KIAA1217: variants seen among roughly 807,000 people sequenced by gnomAD.
The protein encoded by KIAA1217 is KIAA1217.
A neutral mutation model predicts 163.9 loss-of-function variants in KIAA1217; 88 were observed. The observed-to-expected ratio is 0.54, with a 90% CI of 0.45 to 0.64. KIAA1217 has a LOEUF of 0.64. Ranked by LOEUF, KIAA1217 falls within the 30% of genes least tolerant of loss-of-function variation. KIAA1217 has a pLI of 0.00. For missense variants in KIAA1217, 2,372 were observed against 2,475.0 expected (o/e 0.96, Z 0.88); for synonymous variants, 903 against 923.1 (o/e 0.98, Z 0.39).
intron 2 of KIAA1217, among the ~76,000 whole-genome samples, chr10:24,327,351 A>G (rs1318477781): frequency 6.6e-6 from 1 of 152,194 alleles, no homozygotes; most frequent in Non-Finnish European, 1.5e-5. Context: ...ATGGCTACCT[A>G]TTTGACTTTA....
chr10:24,174,088 C>T (rs974948483), intron 2 of KIAA1217, among the ~76,000 whole-genome samples: 7 of 152,180 alleles, frequency 4.6e-5, no homozygotes, highest in Admixed American at 2.0e-4. Flanking sequence ...TCCTGACTTC[C>T]GGAGAAGGGG....
At chr10:23,992,629 A>ACTCTGTT in intron 1 of KIAA1217, among the ~76,000 whole-genome samples, 20 of 143,848 alleles carry the variant, frequency 1.4e-4, no homozygotes, top group African/African-American at 4.6e-4. Context: ...TTTTTTTGGA[A>ACTCTGTT]GCCCTCGTGA....
intron 3 of KIAA1217, among the ~76,000 whole-genome samples, chr10:24,402,912 C>G (rs1339207830): frequency 6.6e-6 from 1 of 152,220 alleles, no homozygotes; most frequent in Non-Finnish European, 1.5e-5. Context: ...GGGAGGATCA[C>G]TTGAGGTCAG....
At chr10:23,841,181 A>G (rs12244313) in intron 1 of KIAA1217, among the ~76,000 whole-genome samples, 3,836 of 152,246 alleles carry the variant, frequency 0.025, 165 homozygotes, top group African/African-American at 0.065. Context: ...ATTTAGGACT[A>G]TTTGGCAATT....
chr10:24,474,109 A>G (rs1564750863), intron 6 of KIAA1217, 49 bp downstream of exon 6: 1 of 1,395,694 alleles, frequency 7.2e-7, no homozygotes, highest in Non-Finnish European at 9.8e-7. Flanking sequence ...CCCATGTGTC[A>G]CTGTGGGCAG....
intron 2 of KIAA1217, among the ~76,000 whole-genome samples, chr10:24,103,943 T>A (rs532425941): frequency 1.3e-5 from 2 of 152,200 alleles, no homozygotes; most frequent in East Asian, 3.8e-4. Flanking sequence ...AACTGATCTT[T>A]GAGGAAGGAG....
intron 2 of KIAA1217, among the ~76,000 whole-genome samples, chr10:24,029,031 G>A (rs1848082938): frequency 6.6e-6 from 1 of 152,158 alleles, no homozygotes; most frequent in Admixed American, 6.6e-5. Flanking sequence ...AATACAGGGA[G>A]CCAAGGGCTG....
intron 1 of KIAA1217, among the ~76,000 whole-genome samples, chr10:23,831,010 T>A (rs1838165978): frequency 6.6e-6 from 1 of 152,072 alleles, no homozygotes; most frequent in Non-Finnish European, 1.5e-5. Context: ...GGAGGCAGCA[T>A]CCTGCAGAGC....
chr10:24,234,297 A>G (rs905057747), intron 2 of KIAA1217, among the ~76,000 whole-genome samples: 2 of 152,084 alleles, frequency 1.3e-5, no homozygotes, highest in African/African-American at 2.4e-5. Context: ...CTGAAACCTG[A>G]AACACCTCTG....
intron 2 of KIAA1217, among the ~76,000 whole-genome samples, chr10:24,128,784 G>A (rs2131801284): frequency 6.6e-6 from 1 of 152,312 alleles, no homozygotes; most frequent in Admixed American, 6.5e-5. Context: ...AGCAGGCAGG[G>A]CCAAAGACTT....
chr10:24,172,159 T>C (rs1246700613), intron 2 of KIAA1217, among the ~76,000 whole-genome samples: 1 of 152,170 alleles, frequency 6.6e-6, no homozygotes, highest in African/African-American at 2.4e-5. Flanking sequence ...AAATTTGAAA[T>C]TCTTGGTTTC....
upstream of KIAA1217, among the ~76,000 whole-genome samples, chr10:24,207,177 G>A (rs2067597714): frequency 6.6e-6 from 1 of 151,974 alleles, no homozygotes; most frequent in Non-Finnish European, 1.5e-5. Flanking sequence ...TTAAGCACGG[G>A]CTCTCTGGAC....
At chr10:24,544,776 A>C (rs1888656) in intron 19 of KIAA1217, among the ~76,000 whole-genome samples, 3 of 152,066 alleles carry the variant, frequency 2.0e-5, no homozygotes, top group Non-Finnish European at 2.9e-5. Flanking sequence ...TCTGATACTC[A>C]CATTAAAATC....
chr10:24,189,230 G>C (rs867069197), intron 2 of KIAA1217, among the ~76,000 whole-genome samples: 1 of 152,164 alleles, frequency 6.6e-6, no homozygotes, highest in South Asian at 2.1e-4. Flanking sequence ...GAAAGCGCTT[G>C]ACCTGCAACC....
In KIAA1217 at chr10:24,543,668, A is replaced by C. The variant is rs1487571037; in HGVS notation, c.4398A>C (p.Glu1466Asp). ...AYKRLSTIFE[E>D]CDEELERMMM... is the part of the protein sequence containing the mutation. ...AGAGACTTTCAACTATCTTTGAGGAATGTGATGAGGAATTAGAGAGAATGA... is the reference window on the plus strand; with the variant it reads ...AGAGACTTTCAACTATCTTTGAGGACTGTGATGAGGAATTAGAGAGAATGA... The change falls in exon 19 of 21, where the codon GAA (glutamate) becomes GAC (aspartate). Residue 1466 changes from glutamate (E) to aspartate (D), a missense_variant. By Grantham distance (45) the Glu-to-Asp change is conservative (BLOSUM62 2). This residue lies in a region of KIAA1217 where 690 missense variants were observed against 677.5 expected (regional missense o/e 1.02). Coordinates refer to ENST00000376454, the MANE Select transcript of KIAA1217 (RefSeq NM_019590.5). The C allele has an allele frequency of 1.2e-6, 2 of 1,613,840 alleles. No individual in the cohort carries two copies. The highest frequency in any genetic ancestry group is 1.7e-6 in the Non-Finnish European group (2 of 1,179,734).
In KIAA1217 at chr10:24,175,812, C is replaced by T. The variant is rs576049230; in HGVS notation, c.-170-43814C>T. On this transcript the variant is annotated intron_variant, in intron 2 of 18. Coordinates refer to the KIAA1217 transcript ENST00000376462. ...TTAAGGTGGTGCATCTGGAGTTGTT[C>T]GTTCCTCCTGTCCAGACTTGTTCAT... 1.1e-4 allele frequency among the ~76,000 whole-genome samples: 16 copies of T among 152,174 alleles called. 1 individual carries two copies. Among genetic ancestry groups the T allele is most frequent in the Admixed American group, 9.2e-4 (14 of 15,284 alleles).
chr10:24,499,112 CGCCTATCCCTCAAAGAGT>C (rs2067186646), intron 8 of KIAA1217, among the ~76,000 whole-genome samples: 1 of 152,036 alleles, frequency 6.6e-6, no homozygotes, highest in Admixed American at 6.5e-5. Context: ...AGTGTGTGTG[CGCCTATCCCTCAAAGAGT>C]GCCTATCCCT....
intron 2 of KIAA1217, among the ~76,000 whole-genome samples, chr10:24,092,792 G>T (rs2061983440): frequency 6.6e-6 from 1 of 151,716 alleles, no homozygotes. Flanking sequence ...AAAATGTCAG[G>T]GTGATGGAAC....
At chr10:24,289,772 C>T (rs1385193583) in intron 2 of KIAA1217, among the ~76,000 whole-genome samples, 1 of 151,964 alleles carries the variant, frequency 6.6e-6, no homozygotes, top group Non-Finnish European at 1.5e-5. Context: ...AGTGTGGGAA[C>T]AGGAAAGGAT....
Sources: gnomAD v4.1 joint callset for allele counts (sites outside exome capture counted in the v4.1 genomes callset) on GRCh38, gnomAD v4.1.1 for gene constraint, gnomAD v4.1.1 regional missense constraint, MANE v1.5 for transcripts, NCBI Gene and HGNC (gene_info 2026-07-23, HGNC 2026-07-21) for gene names.